DMXL1: variants seen among roughly 807,000 people sequenced by gnomAD.
DMXL1 encodes dmX-like protein 1.
In DMXL1, 99 loss-of-function variants were observed where a neutral mutation model predicts 319.2. The observed-to-expected ratio is 0.31, with a 90% CI of 0.26 to 0.37. The LOEUF (loss-of-function observed/expected upper bound fraction) is 0.37, where lower values mean the gene tolerates loss of function less well. Ranked by LOEUF, DMXL1 falls within the 10% of genes least tolerant of loss-of-function variation. The pLI, the probability that DMXL1 is intolerant of heterozygous loss-of-function variation, is 1.00. For synonymous variants in DMXL1, 1,385 were observed against 1,235.2 expected, an observed-to-expected ratio of 1.12 and a Z score of -2.54; for missense variants, 3,745 against 3,595.6, an observed-to-expected ratio of 1.04 and a Z score of -1.06.
At chr5:119,226,484 G>C (rs1785589120) in intron 38 of DMXL1, among the ~76,000 whole-genome samples, 1 of 152,102 alleles carries the variant, frequency 6.6e-6, no homozygotes. Flanking sequence ...ATAATTTTCT[G>C]AGTAGAAAAC....
chr5:119,203,076 C>G (rs909940404), intron 32 of DMXL1, among the ~76,000 whole-genome samples: 4 of 151,690 alleles, frequency 2.6e-5, no homozygotes, highest in African/African-American at 7.3e-5. Flanking sequence ...TTAAGGGATA[C>G]TTTACCTGTA....
At chr5:119,135,239 G>A (rs543575790) in intron 13 of DMXL1, among the ~76,000 whole-genome samples, 2 of 152,148 alleles carry the variant, frequency 1.3e-5, no homozygotes, top group African/African-American at 2.4e-5. Flanking sequence ...GAAGAAAACA[G>A]GTAAAAATTT....
chr5:119,159,143 T>C (rs1771709094), intron 19 of DMXL1, among the ~76,000 whole-genome samples: 1 of 152,134 alleles, frequency 6.6e-6, no homozygotes, highest in South Asian at 2.1e-4. Context: ...CTTTTTTTTT[T>C]TCTTTGAGAC....
chr5:119,148,876 A>C lies in DMXL1; in HGVS notation c.3049A>C (p.Ile1017Leu). 1 of 1,613,886 alleles carries C rather than the reference A, an allele frequency of 6.2e-7. No individual in the cohort carries two copies. The highest frequency in any genetic ancestry group is 8.5e-7 in the Non-Finnish European group (1 of 1,179,828). ...GESATSKNGKIDLAYIWEEWP... is the reference protein window; with the variant it reads ...GESATSKNGKLDLAYIWEEWP... ...ATCTGCCACGTCAAAGAATGGAAAA[A>C]TTGATCTTGCATACATTTGGGAAGA... is the stretch of plus-strand genomic sequence containing the variant. The change falls in exon 18 of 44, where the codon ATT (isoleucine) becomes CTT (leucine). Residue 1017 changes from isoleucine to leucine, a missense_variant. By Grantham distance (5) the Ile-to-Leu change is conservative (BLOSUM62 2). Transcript: ENST00000539542.
At chr5:119,188,186 C>T (rs139945887) in intron 28 of DMXL1, among the ~76,000 whole-genome samples, 1 of 152,004 alleles carries the variant, frequency 6.6e-6, no homozygotes, top group Non-Finnish European at 1.5e-5. Flanking sequence ...ACATACTAAT[C>T]TTGGCAAAAA....
intron 38 of DMXL1, among the ~76,000 whole-genome samples, chr5:119,231,835 G>C (rs886295240): frequency 1.3e-5 from 2 of 152,214 alleles, no homozygotes; most frequent in African/African-American, 2.4e-5. Flanking sequence ...CTAGTTAGAA[G>C]TTAGTTGGTG....
intron 19 of DMXL1, among the ~76,000 whole-genome samples, chr5:119,157,428 G>T (rs1471606261): frequency 3.3e-5 from 5 of 152,056 alleles, no homozygotes; most frequent in Non-Finnish European, 7.4e-5. Context: ...TTCCCTCTGT[G>T]TTTTCCTCTA....
intron 15 of DMXL1, among the ~76,000 whole-genome samples, chr5:119,145,497 A>G (rs1768319113): frequency 6.6e-6 from 1 of 151,794 alleles, no homozygotes; most frequent in African/African-American, 2.4e-5. Context: ...AATGGGGATT[A>G]AAGATATCAG....
chr5:119,127,919 C>T, intron 9 of DMXL1: 2 of 367,996 alleles, frequency 5.4e-6, no homozygotes, highest in South Asian at 2.4e-5. Flanking sequence ...CAAGCAAAAG[C>T]TTCATAAACT....
At position 119,170,425 on chromosome 5, in the gene DMXL1, A is replaced by G; in HGVS notation, c.5634A>G (p.Leu1878=). The change falls in exon 24 of 44, where the codon TTA becomes TTG. Residue 1878 remains leucine (L), a synonymous_variant. Coordinates refer to ENST00000539542, the MANE Select transcript of DMXL1 (RefSeq NM_001290321.3). The part of the protein sequence containing the change: ...AGCPMLALEV[L]SKMPKVIKKT... ...GCCCAATGTTGGCTTTGGAAGTATT[A>G]TCAAAGATGCCTAAAGTCATCAAGA... 6.2e-7 allele frequency: 1 copy of G among 1,613,992 alleles called. No individual in the cohort carries two copies. Among genetic ancestry groups the G allele is most frequent in the Non-Finnish European group, 8.5e-7 (1 of 1,179,944 alleles).
At chr5:119,100,670 A>C (rs989327955) in intron 2 of DMXL1, 2 of 151,162 alleles carry the variant, frequency 1.3e-5, no homozygotes, top group African/African-American at 4.9e-5. Context: ...TTTTAGTCTC[A>C]GGTACACTAT....
chr5:119,171,102 C>G lies in DMXL1; in HGVS notation c.6311C>G (p.Pro2104Arg). 1 of 1,613,734 alleles carries G rather than the reference C, an allele frequency of 6.2e-7. No homozygotes were observed. Among genetic ancestry groups the G allele is most frequent in the Non-Finnish European group, 8.5e-7 (1 of 1,179,846 alleles). The part of the protein sequence containing the change: ...FGLNEDAEDL[P>R]HQTKVKQLRE... ...TTAAATGAGGATGCTGAAGATTTGC[C>G]TCACCAAACAAAAGTGAAACAACTG... The change falls in exon 24 of 44, where the codon CCT becomes CGT. Residue 2104 changes from proline (P) to arginine (R), a missense_variant. Pro to Arg is a moderately radical substitution (Grantham distance 103, BLOSUM62 -2). This residue lies in a region of DMXL1 where 1,382 missense variants were observed against 1,269.5 expected (regional missense o/e 1.09). Coordinates refer to ENST00000539542, the MANE Select transcript of DMXL1 (RefSeq NM_001290321.3).
intron 2 of DMXL1, among the ~76,000 whole-genome samples, chr5:119,099,667 C>G (rs2149789958): frequency 6.6e-6 from 1 of 152,180 alleles, no homozygotes; most frequent in South Asian, 2.1e-4. Flanking sequence ...CCAATATGAG[C>G]TATCTTTTTG....
chr5:119,123,349 GGAGGGAGAGGGAGAGGAGGGA>G (rs1762676875), intron 9 of DMXL1, among the ~76,000 whole-genome samples: 5 of 123,082 alleles, frequency 4.1e-5, no homozygotes, highest in African/African-American at 1.4e-4. Flanking sequence ...GAGAGGGAGA[GGAGGGAGAGGGAGAGGAGGGA>G]GAGGGAGAGG....
At chr5:119,232,081 A>G (rs749053724) in intron 38 of DMXL1, among the ~76,000 whole-genome samples, 1 of 152,252 alleles carries the variant, frequency 6.6e-6, no homozygotes, top group Middle Eastern at 3.4e-3. Flanking sequence ...CCTGGGCTCA[A>G]GTGATTCTTC....
chr5:119,237,750 C>T (rs957539576), intron 40 of DMXL1, among the ~76,000 whole-genome samples: 4 of 152,064 alleles, frequency 2.6e-5, no homozygotes, highest in Admixed American at 6.5e-5. Context: ...CAGACCAATG[C>T]GTCTGGTTAT....
intron 34 of DMXL1, among the ~76,000 whole-genome samples, chr5:119,211,975 C>T (rs1005151313): frequency 1.3e-5 from 2 of 152,172 alleles, no homozygotes; most frequent in African/African-American, 4.8e-5. Context: ...TCTCTTTCTC[C>T]TCCAGCTTCT....
intron 37 of DMXL1, among the ~76,000 whole-genome samples, chr5:119,223,614 G>C (rs570310022): frequency 3.3e-5 from 5 of 151,986 alleles, no homozygotes; most frequent in African/African-American, 1.2e-4. Flanking sequence ...ATGAGGGTTC[G>C]GATTGCCTCA....
chr5:119,140,010 C>G (rs143284461), intron 13 of DMXL1, among the ~76,000 whole-genome samples: 14 of 152,220 alleles, frequency 9.2e-5, no homozygotes. Context: ...AAAACATGCT[C>G]CTGAATGACT....
Sources: gnomAD v4.1 joint callset for allele counts (sites outside exome capture counted in the v4.1 genomes callset) on GRCh38, gnomAD v4.1.1 for gene constraint, gnomAD v4.1.1 regional missense constraint, MANE v1.5 for transcripts, NCBI Gene and HGNC (gene_info 2026-07-23, HGNC 2026-07-21) for gene names.